The following CLRN1 variants were observed in gnomAD, a reference collection of about 807,000 sequenced individuals.
CLRN1 encodes the protein clarin-1.
CLRN1 carries 15 observed loss-of-function variants against 18.7 expected under a neutral mutation model. The ratio of observed to expected loss-of-function variants is 0.80; its 90% CI spans 0.54 to 1.23. CLRN1 has a LOEUF of 1.23. Ranked by LOEUF, CLRN1 falls within the 50% of genes most tolerant of loss-of-function variation. CLRN1 has a pLI of 0.00. For missense variants in CLRN1, 311 were observed against 277.5 expected (o/e 1.12, Z -0.86); for synonymous variants, 104 against 102.9 (o/e 1.01, Z -0.07).
intron 1 of CLRN1, chr3:150,944,034 T>C (rs1313298682): frequency 1.1e-6 from 1 of 940,938 alleles, no homozygotes; most frequent in East Asian, 2.7e-5. Context: ...ATACATATGA[T>C]GGAGAAATAA....
intron 1 of CLRN1, among the ~76,000 whole-genome samples, chr3:150,946,605 A>G (rs1337563535): frequency 6.6e-6 from 1 of 151,976 alleles, no homozygotes; most frequent in Non-Finnish European, 1.5e-5. Flanking sequence ...AAAATTCCAA[A>G]GACTGTAATA....
intron 1 of CLRN1, among the ~76,000 whole-genome samples, chr3:150,944,798 T>G (rs1331920468): frequency 6.6e-6 from 1 of 152,006 alleles, no homozygotes; most frequent in Non-Finnish European, 1.5e-5. Context: ...AAATTTTTTG[T>G]CCTGAGCAAC....
intron 1 of CLRN1, among the ~76,000 whole-genome samples, chr3:150,952,379 G>A (rs995099181): frequency 2.6e-5 from 4 of 152,178 alleles, no homozygotes; most frequent in African/African-American, 9.7e-5. Context: ...AGTGTCCTGT[G>A]TTGCCAGGTG....
At chr3:150,964,238 T>A (rs1179829637) in intron 1 of CLRN1, among the ~76,000 whole-genome samples, 1 of 152,016 alleles carries the variant, frequency 6.6e-6, no homozygotes, top group Non-Finnish European at 1.5e-5. Flanking sequence ...CGTTAAAAAG[T>A]GGGCAAAGGA....
At chr3:150,945,450 C>G in intron 1 of CLRN1, 1 of 1,222,926 alleles carries the variant, frequency 8.2e-7, no homozygotes, top group Admixed American at 2.4e-5. Flanking sequence ...GGAAGGGGGC[C>G]AGGAGAGAAA....
At chr3:150,944,289 C>G (rs1466663936) in intron 1 of CLRN1, 1 of 193,260 alleles carries the variant, frequency 5.2e-6, no homozygotes, top group Non-Finnish European at 1.1e-5. Flanking sequence ...GGATCCTGGC[C>G]TGGTGACCAT....
chr3:150,967,323 A>G (rs1380924474), intron 1 of CLRN1, among the ~76,000 whole-genome samples: 2 of 152,218 alleles, frequency 1.3e-5, no homozygotes, highest in African/African-American at 4.8e-5. Flanking sequence ...TATTTGGCTG[A>G]GAGAAGTTGA....
At chr3:150,945,344 G>C (rs1224928936) in intron 1 of CLRN1, among the ~76,000 whole-genome samples, 1 of 152,180 alleles carries the variant, frequency 6.6e-6, no homozygotes, top group East Asian at 1.9e-4. Flanking sequence ...AGACAGCAGG[G>C]AAGCAAATGG....
chr3:150,927,390 G>T lies in CLRN1; in HGVS notation c.*546C>A. 2.2e-6 allele frequency: 1 copy of T among 444,536 alleles called. No homozygotes were observed. The highest frequency in any genetic ancestry group is 1.6e-5 in the South Asian group (1 of 61,538). The allele number at this position is 444,536 out of a possible 1,614,324, so 27.5% of individuals were successfully genotyped here. ...TCTTCCCACCTTGGCCTCCTGAAGTGCTGGAATTACAGGTGTGAGTCACCA... is the reference window on the plus strand; with the variant it reads ...TCTTCCCACCTTGGCCTCCTGAAGTTCTGGAATTACAGGTGTGAGTCACCA... On this transcript the variant is annotated 3_prime_UTR_variant, in exon 3 of 3. Coordinates refer to ENST00000327047, the MANE Select transcript of CLRN1 (RefSeq NM_174878.3).
At chr3:150,966,439 GT>G (rs1715266492) in intron 1 of CLRN1, among the ~76,000 whole-genome samples, 1 of 152,136 alleles carries the variant, frequency 6.6e-6, no homozygotes, top group African/African-American at 2.4e-5. Flanking sequence ...TGGAAGAGGA[GT>G]TTCTTGGAAA....
intron 1 of CLRN1, among the ~76,000 whole-genome samples, chr3:150,963,450 G>A (rs576145018): frequency 3.4e-4 from 51 of 152,036 alleles, no homozygotes; most frequent in Non-Finnish European, 6.0e-4. Context: ...CCATGCTCAC[G>A]GATAGGAAGA....
chr3:150,972,621 T>A lies in CLRN1; in HGVS notation c.88A>T (p.Thr30Ser), dbSNP rs1319315161. ...ACAGTGGCTTTGATCCACAACGGTG[T>A]CCCCAAGGCTGTCACAACTCCGAGG... Reference protein sequence around the residue: ...CALGVVTALGTPLWIKATVLC... With the variant: ...CALGVVTALGSPLWIKATVLC... The change falls in exon 1 of 3, where the codon ACA becomes TCA. Residue 30 changes from threonine (T) to serine (S), a missense_variant. Coordinates refer to ENST00000327047, the MANE Select transcript of CLRN1 (RefSeq NM_174878.3). The A allele has an allele frequency of 1.2e-6, 2 of 1,614,124 alleles. No individual in the cohort carries two copies. Among genetic ancestry groups the A allele is most frequent in the Admixed American group, 1.7e-5 (1 of 60,008 alleles).
Position 150,926,876 on chromosome 3 carries a change from C to A in CLRN1, c.*1060G>T. The A allele has an allele frequency of 6.2e-7, 1 of 1,613,926 alleles. No homozygotes were observed. The highest frequency in any genetic ancestry group is 8.5e-7 in the Non-Finnish European group (1 of 1,179,998). ...CTCAGCTGTGGCCTTTAGTCAGCTG[C>A]AGATCAATTTGATGGGTAATTCAGG... On this transcript the variant is annotated 3_prime_UTR_variant, in exon 3 of 3. Transcript: ENST00000327047.
intron 1 of CLRN1, among the ~76,000 whole-genome samples, chr3:150,966,328 C>T (rs1186531254): frequency 6.6e-6 from 1 of 152,116 alleles, no homozygotes; most frequent in Non-Finnish European, 1.5e-5. Flanking sequence ...CAAAACAAAA[C>T]AAATACTCTT....
In CLRN1 at chr3:150,942,893, C is replaced by CT. The variant is rs199959585; in HGVS notation, c.254-1133dup. ...TTGATAAGAGAACCAGCAGTCTCTGCTTTTTTTTCTTTTGGAAGCTTGAGT... is the reference window on the plus strand; with the variant it reads ...TTGATAAGAGAACCAGCAGTCTCTGCTTTTTTTTTCTTTTGGAAGCTTGAGT... On this transcript the variant is annotated intron_variant, in intron 1 of 2. Coordinates refer to ENST00000327047, the MANE Select transcript of CLRN1 (RefSeq NM_174878.3). Among the ~76,000 whole-genome samples the CT allele has an allele frequency of 2.8e-3, 421 of 152,084 alleles. 3 individuals carry two copies. Among genetic ancestry groups the CT allele is most frequent in the African/African-American group, 9.2e-3 (382 of 41,494 alleles).
chr3:150,945,470 G>A, intron 1 of CLRN1: 1 of 1,272,602 alleles, frequency 7.9e-7, no homozygotes, highest in South Asian at 1.3e-5. Flanking sequence ...AGTTTCATTG[G>A]GTCAGAACAA....
intron 1 of CLRN1, among the ~76,000 whole-genome samples, chr3:150,961,507 A>G (rs990006145): frequency 6.6e-6 from 1 of 152,228 alleles, no homozygotes; most frequent in African/African-American, 2.4e-5. Context: ...AGAAAAGGCC[A>G]TCTGTGAAGC....
intron 2 of CLRN1, among the ~76,000 whole-genome samples, chr3:150,934,330 A>G (rs1461133056): frequency 6.6e-6 from 1 of 152,210 alleles, no homozygotes; most frequent in African/African-American, 2.4e-5. Context: ...AAAGAAAGGC[A>G]GCAATTTTGT....
chr3:150,931,797 C>T (rs1193162287), intron 2 of CLRN1, among the ~76,000 whole-genome samples: 2 of 152,130 alleles, frequency 1.3e-5, no homozygotes, highest in Non-Finnish European at 2.9e-5. Context: ...CACCAAGAGC[C>T]CAAATTCACA....
Sources: allele counts gnomAD v4.1 joint callset (sites outside exome capture counted in the v4.1 genomes callset), GRCh38; gene constraint gnomAD v4.1.1; transcripts MANE v1.5; gene names NCBI Gene and HGNC (gene_info 2026-07-23, HGNC 2026-07-21).